The following TSR2 variants were observed in gnomAD, a reference collection of about 807,000 sequenced individuals.
TSR2 encodes TSR2 ribosome maturation factor.
TSR2 carries 1 observed loss-of-function variant against 13.3 expected under a neutral mutation model. The ratio of observed to expected loss-of-function variants is 0.08; its 90% confidence interval spans 0.03 to 0.36. TSR2 has a LOEUF of 0.36. TSR2 is among the 10% of genes least tolerant of loss of function. TSR2 has a pLI of 0.99. For missense variants in TSR2, 120 were observed against 151.1 expected, an observed-to-expected ratio of 0.79 and a Z score of 1.08; for synonymous variants, 60 against 57.7, an observed-to-expected ratio of 1.04 and a Z score of -0.18.
Position 54,447,248 on chromosome X carries a change from G to A in TSR2, c.*2698G>A. 1 of 1,145,698 alleles carries A rather than the reference G, an allele frequency of 8.7e-7. No homozygotes were observed. Among genetic ancestry groups the A allele is most frequent in the Non-Finnish European group, 1.2e-6 (1 of 835,945 alleles). 94.4% of individuals were successfully genotyped at this position (1,145,698 alleles called of 1,213,427 possible). A position where few individuals can be genotyped will look rare whatever the true frequency, so the allele number is the denominator to read the frequency against. On this transcript the variant is annotated 3_prime_UTR_variant, in exon 5 of 5. Coordinates refer to ENST00000375151, the MANE Select transcript of TSR2 (RefSeq NM_058163.3). ...ACCTTATCTTCCAAGGCCAAGGAGA[G>A]GTCAAGGACTGGATCTGGCTTTGCC...
At position 54,445,803 on chromosome X, in the gene TSR2, T is replaced by G; in HGVS notation, c.*1253T>G. 1 of 251,683 alleles carries G rather than the reference T, an allele frequency of 4.0e-6. No individual in the cohort carries two copies. Among genetic ancestry groups the G allele is most frequent in the Non-Finnish European group, 6.9e-6 (1 of 144,960 alleles). The allele number at this position is 251,683 out of a possible 1,213,427, so 20.7% of individuals were successfully genotyped here. A position where few individuals can be genotyped will look rare whatever the true frequency, so the allele number is the denominator to read the frequency against. ...TGTGGGGAACTGGGTGGAGGCAGGA[T>G]CTGTGGTAGGGTATTGAGGGATGAG... On this transcript the variant is annotated 3_prime_UTR_variant, in exon 5 of 5. Coordinates refer to ENST00000375151, the MANE Select transcript of TSR2 (RefSeq NM_058163.3).
chrX:54,440,946 A>G (rs1232671298), intron 2 of TSR2, among the ~76,000 whole-genome samples, 166 bp downstream of exon 2: 1 of 111,476 alleles, frequency 9.0e-6, no homozygotes. Context: ...CCAGTGCTTT[A>G]CGGGCTGTAC....
chrX:54,446,286 A>G lies in TSR2; in HGVS notation c.*1736A>G. 2.5e-6 allele frequency: 3 copies of G among 1,211,774 alleles called. No individual in the cohort carries two copies. Among genetic ancestry groups the G allele is most frequent in the Non-Finnish European group, 3.4e-6 (3 of 895,420 alleles). On this transcript the variant is annotated 3_prime_UTR_variant, in exon 5 of 5. Coordinates refer to ENST00000375151, the MANE Select transcript of TSR2 (RefSeq NM_058163.3). ...AGCGTCGCTGTAGTTCCTCTGTCTC[A>G]GGGCTGAAGTACCAGCTGAGGTGGC...
In TSR2 at chrX:54,444,595, A is replaced by G. The variant is rs11544223; in HGVS notation, c.*45A>G. 60,207 of 1,178,766 alleles carry G rather than the reference A, an allele frequency of 0.051. 6,327 individuals carry two copies. The African/African-American group carries it at 0.52, about 10-fold the overall frequency. Reference sequence around the variant, plus strand: ...GCTTTGGGCCCTTATTTGCTGTTCTAAGAGTTGTCTGTAGGGGTTTTTTTT... The same window carrying G: ...GCTTTGGGCCCTTATTTGCTGTTCTGAGAGTTGTCTGTAGGGGTTTTTTTT... On this transcript the variant is annotated 3_prime_UTR_variant, in exon 5 of 5. Coordinates refer to ENST00000375151, the MANE Select transcript of TSR2 (RefSeq NM_058163.3).
At chrX:54,440,547 G>A (rs1456216200) in intron 1 of TSR2, 45 bp downstream of exon 1, 1 of 1,138,867 alleles carries the variant, frequency 8.8e-7, no homozygotes, top group Non-Finnish European at 1.2e-6. Flanking sequence ...TAGGGCCCGG[G>A]GCAGAACAGG....
chrX:54,440,521 A>T lies in TSR2; in HGVS notation c.81+19A>T. 5.2e-6 allele frequency: 6 copies of T among 1,145,662 alleles called. No individual in the cohort carries two copies. Among genetic ancestry groups the T allele is most frequent in the Non-Finnish European group, 7.0e-6 (6 of 862,289 alleles). The allele number at this position is 1,145,662 out of a possible 1,213,427, so 94.4% of individuals were successfully genotyped here. On this transcript the variant is annotated intron_variant, in intron 1 of 4. Transcript: ENST00000375151. ...CTTGCAGGTCAGTGGGGCCAGGGCCAGGGCAAGGTCAAGGTTAGGGCCCGG... is the reference window on the plus strand; with the variant it reads ...CTTGCAGGTCAGTGGGGCCAGGGCCTGGGCAAGGTCAAGGTTAGGGCCCGG...
intron 2 of TSR2, 63 bp from the exon 3 acceptor site, chrX:54,443,337 A>C: frequency 1.3e-6 from 1 of 795,309 alleles, no homozygotes; most frequent in Non-Finnish European, 1.9e-6. Flanking sequence ...ATTGAAGAGC[A>C]GTGGGCAGGG....
At chrX:54,441,058 C>T (rs919625866) in intron 2 of TSR2, among the ~76,000 whole-genome samples, 10 of 111,796 alleles carry the variant, frequency 8.9e-5, no homozygotes, top group African/African-American at 3.3e-4. Flanking sequence ...GAGCGCTGTA[C>T]AGTAGAAATA....
At position 54,445,854 on chromosome X, in the gene TSR2, G is replaced by A; in HGVS notation, c.*1304G>A. The A allele has an allele frequency of 8.0e-6, 3 of 375,959 alleles. No homozygotes were observed. Among genetic ancestry groups the A allele is most frequent in the Non-Finnish European group, 1.4e-5 (3 of 219,212 alleles). 31.0% of individuals were successfully genotyped at this position (375,959 alleles called of 1,213,427 possible). A position where few individuals can be genotyped will look rare whatever the true frequency, so the allele number is the denominator to read the frequency against. ...GGAGAAAAACGACCTAATTCAGGTA[G>A]GACTGGCAACGGCTCCCACCCTCCC... On this transcript the variant is annotated 3_prime_UTR_variant, in exon 5 of 5. Transcript: ENST00000375151.
Position 54,444,710 on chromosome X carries a change from A to G in TSR2, c.*160A>G. 1 of 507,192 alleles carries G rather than the reference A, an allele frequency of 2.0e-6. No homozygotes were observed. Among genetic ancestry groups the G allele is most frequent in the Non-Finnish European group, 3.1e-6 (1 of 323,821 alleles). The allele number at this position is 507,192 out of a possible 1,213,427, so 41.8% of individuals were successfully genotyped here. ...GCTCCCTCCAGGGCAAGGAAAACCT[A>G]GGGTCCTTGGTCTTGGGGGTGGGGG... On this transcript the variant is annotated 3_prime_UTR_variant, in exon 5 of 5. Transcript: ENST00000375151.
At position 54,445,666 on chromosome X, in the gene TSR2, C is replaced by T; in HGVS notation, c.*1116C>T. 1 of 128,327 alleles carries T rather than the reference C, an allele frequency of 7.8e-6. No individual in the cohort carries two copies. The allele number at this position is 128,327 out of a possible 1,213,427, so 10.6% of individuals were successfully genotyped here. A position where few individuals can be genotyped will look rare whatever the true frequency, so the allele number is the denominator to read the frequency against. On this transcript the variant is annotated 3_prime_UTR_variant, in exon 5 of 5. Transcript: ENST00000375151. ...GGCAGGAGAGGTCTAGTTGCCACCC[C>T]ACGTGGAGTTGTACGTGTGAAGACA...
At position 54,446,154 on chromosome X, in the gene TSR2, G is replaced by A. The variant is rs1015067517; in HGVS notation, c.*1604G>A. On this transcript the variant is annotated 3_prime_UTR_variant, in exon 5 of 5. Transcript: ENST00000375151. ...GGGGGGATTCGGGGGGTTCAGCAGT[G>A]GCTCCTAAAGCAGCCACCGGTGCCT... 7 of 1,209,040 alleles carry A rather than the reference G, an allele frequency of 5.8e-6. No homozygotes were observed. The highest frequency in any genetic ancestry group is 2.2e-5 in the Admixed American group (1 of 45,723).
At chrX:54,442,054 A>T (rs1921956650) in intron 2 of TSR2, among the ~76,000 whole-genome samples, 1 of 112,041 alleles carries the variant, frequency 8.9e-6, no homozygotes, top group African/African-American at 3.2e-5. Flanking sequence ...GTCCCTTAAG[A>T]CCCAGCAGAA....
intron 3 of TSR2, among the ~76,000 whole-genome samples, chrX:54,443,729 T>G (rs781386955): frequency 8.9e-6 from 1 of 112,037 alleles, no homozygotes; most frequent in Non-Finnish European, 1.9e-5. Context: ...CCGCTCTGGT[T>G]ACCATTGCTC....
rs2147421358 is a variant in TSR2, at chrX:54,447,479, A to G, written c.*2929A>G. ...TCTGTGGCCAGAGACACCGGGCATC[A>G]ATGTTGACAGAAGGCCTAGCCTGGC... On this transcript the variant is annotated 3_prime_UTR_variant, in exon 5 of 5. Transcript: ENST00000375151. The G allele has an allele frequency of 8.3e-7, 1 of 1,204,140 alleles. No individual in the cohort carries two copies. Among genetic ancestry groups the G allele is most frequent in the African/African-American group, 1.7e-5 (1 of 57,773 alleles).
chrX:54,443,442 T>A lies in TSR2; in HGVS notation c.215T>A (p.Leu72Gln). 8.3e-7 allele frequency: 1 copy of A among 1,208,124 alleles called. No homozygotes were observed. The part of the protein sequence containing the change: ...LDEVEDFLGE[L>Q]LTNEFDTVVE... ...GAGGTGGAAGACTTCCTTGGAGAGC[T>A]GTTGACCAACGAGTTTGATACAGTT... The change falls in exon 3 of 5, where the codon CTG becomes CAG. Residue 72 changes from leucine (L) to glutamine (Q), a missense_variant. Coordinates refer to ENST00000375151, the MANE Select transcript of TSR2 (RefSeq NM_058163.3).
chrX:54,446,199 A>G lies in TSR2; in HGVS notation c.*1649A>G. ...GTGCCTCCTCCATCTCCCTGTCCTC[A>G]GACAGTGTGGGCCCCGGGCAGAACG... On this transcript the variant is annotated 3_prime_UTR_variant, in exon 5 of 5. Transcript: ENST00000375151. The G allele has an allele frequency of 8.3e-7, 1 of 1,211,635 alleles. No homozygotes were observed. The highest frequency in any genetic ancestry group is 1.1e-6 in the Non-Finnish European group (1 of 895,314).
At chrX:54,440,542 C>A in intron 1 of TSR2, 40 bp downstream of exon 1, 1 of 1,140,380 alleles carries the variant, frequency 8.8e-7, no homozygotes, top group Non-Finnish European at 1.2e-6. Context: ...AAGGTTAGGG[C>A]CCGGGGCAGA....
In TSR2 at chrX:54,447,206, C is replaced by G. The variant is rs1357785168; in HGVS notation, c.*2656C>G. On this transcript the variant is annotated 3_prime_UTR_variant, in exon 5 of 5. Transcript: ENST00000375151. ...GATTTCCTCTTAGAGATAGGCTCAC[C>G]TTATCTTCCAAGGCTCACCTTATCT... 13 of 922,768 alleles carry G rather than the reference C, an allele frequency of 1.4e-5. No individual in the cohort carries two copies. The highest frequency in any genetic ancestry group is 2.0e-5 in the Non-Finnish European group (13 of 643,045). The allele number at this position is 922,768 out of a possible 1,213,427, so 76.0% of individuals were successfully genotyped here.
Sources: allele counts gnomAD v4.1 joint callset (sites outside exome capture counted in the v4.1 genomes callset), GRCh38; gene constraint gnomAD v4.1.1; transcripts MANE v1.5; gene names NCBI Gene and HGNC (gene_info 2026-07-23, HGNC 2026-07-21).